Variants in KIAA1614 observed in about 807,000 individuals in gnomAD.
KIAA1614 encodes uncharacterized protein KIAA1614.
A neutral mutation model predicts 88.7 loss-of-function variants in KIAA1614; 76 were observed. That is an observed-to-expected ratio of 0.86 (90% CI 0.71 to 1.04). KIAA1614 has a LOEUF of 1.04. Among genes scored for constraint, KIAA1614 ranks in the 50% least tolerant of loss-of-function variants. The pLI, the probability that KIAA1614 is intolerant of heterozygous loss-of-function variation, is 0.00. For missense variants in KIAA1614, 1,553 were observed against 1,582.5 expected (o/e 0.98, Z 0.32); for synonymous variants, 714 against 675.5 (o/e 1.06, Z -0.88).
intron 1 of KIAA1614, among the ~76,000 whole-genome samples, chr1:180,914,958 C>T (rs927262207): frequency 2.6e-5 from 4 of 152,020 alleles, no homozygotes; most frequent in Non-Finnish European, 4.4e-5. Flanking sequence ...TGAGCCACCG[C>T]GCCTAGCCAA....
chr1:180,914,466 C>T (rs948537598), intron 1 of KIAA1614, among the ~76,000 whole-genome samples: 4 of 152,242 alleles, frequency 2.6e-5, no homozygotes, highest in Non-Finnish European at 5.9e-5. Flanking sequence ...CCAAACTGGG[C>T]CTCCTCTTAG....
In KIAA1614 at chr1:180,935,963, T is replaced by C. The variant is rs1165831389; in HGVS notation, c.2054T>C (p.Val685Ala). ...CTGCCTAGGGCTGATGATGTGGAGGTGGAAAATGAGGTGAAAGAGGGCAGA... is the reference window on the plus strand; with the variant it reads ...CTGCCTAGGGCTGATGATGTGGAGGCGGAAAATGAGGTGAAAGAGGGCAGA... ...QHLPRADDVE[V>A]ENEVKEGRGH... The change falls in exon 5 of 9, where the codon GTG (valine) becomes GCG (alanine). Residue 685 changes from valine (V) to alanine (A), a missense_variant. By Grantham distance (64) the Val-to-Ala change is moderately conservative. Transcript: ENST00000367588. The surrounding 1 kb of genome is among the most constrained non-coding windows in gnomAD (Gnocchi z 6.1). 6.2e-7 allele frequency: 1 copy of C among 1,613,444 alleles called. No homozygotes were observed. Among genetic ancestry groups the C allele is most frequent in the African/African-American group, 1.3e-5 (1 of 74,740 alleles).
chr1:180,945,596 AG>A lies in KIAA1614; in HGVS notation c.*9del, dbSNP rs750751825. 4 of 1,590,826 alleles carry A rather than the reference AG, an allele frequency of 2.5e-6. No individual in the cohort carries two copies. The highest frequency in any genetic ancestry group is 3.4e-6 in the Non-Finnish European group (4 of 1,173,998). On this transcript the variant is annotated 3_prime_UTR_variant, in exon 9 of 9. Transcript: ENST00000367588. ...TTTCTGGTCTTTGGCTGAGCCGTGCAGCTCTGGGAATTCAGAAAGCCTCTGA... is the reference window on the plus strand; with the variant it reads ...TTTCTGGTCTTTGGCTGAGCCGTGCACTCTGGGAATTCAGAAAGCCTCTGA...
rs1236495882 is a variant in KIAA1614, at chr1:180,946,601, G to C, written c.*1013G>C. 1.3e-5 allele frequency: 2 copies of C among 152,552 alleles called. No individual in the cohort carries two copies. The highest frequency in any genetic ancestry group is 4.8e-5 in the African/African-American group (2 of 41,460). 9.4% of individuals were successfully genotyped at this position (152,552 alleles called of 1,614,324 possible). A position where few individuals can be genotyped will look rare whatever the true frequency, so the allele number is the denominator to read the frequency against. The stretch of plus-strand genomic sequence containing the variant: ...ATGTGAGGGTGGGGAAGGAGGGGAG[G>C]GGAAGGAAGGAGAGAGAAAGGGAGA... On this transcript the variant is annotated 3_prime_UTR_variant, in exon 9 of 9. Transcript: ENST00000367588.
intron 3 of KIAA1614, among the ~76,000 whole-genome samples, chr1:180,923,726 G>A (rs538442383): frequency 1.3e-5 from 2 of 152,228 alleles, no homozygotes; most frequent in South Asian, 4.1e-4. Context: ...TAAGGGCTCA[G>A]CAAGGAGGCA....
chr1:180,935,839 A>G lies in KIAA1614; in HGVS notation c.1930A>G (p.Ser644Gly). The G allele has an allele frequency of 1.2e-6, 2 of 1,613,574 alleles. No homozygotes were observed. The highest frequency in any genetic ancestry group is 8.5e-7 in the Non-Finnish European group (1 of 1,179,882). ...GWACGRTQGS[S>G]PRLRLRGSRP... The stretch of plus-strand genomic sequence containing the variant: ...GGCGTGTGGGCGGACCCAAGGCAGC[A>G]GCCCGCGACTGCGACTGCGGGGCTC... The change falls in exon 5 of 9, where the codon AGC (serine) becomes GGC (glycine). Residue 644 changes from serine (S) to glycine (G), a missense_variant. Transcript: ENST00000367588. This position sits in a 1 kb window ranked among gnomAD's most constrained non-coding sequence, Gnocchi z 6.1.
At chr1:180,930,640 C>G (rs1209780723) in intron 4 of KIAA1614, among the ~76,000 whole-genome samples, 1 of 152,228 alleles carries the variant, frequency 6.6e-6, no homozygotes, top group Non-Finnish European at 1.5e-5. Flanking sequence ...TCATGTCACT[C>G]TAGCAGCTCA....
At chr1:180,930,191 G>A (rs754317412) in intron 4 of KIAA1614, among the ~76,000 whole-genome samples, 5 of 152,220 alleles carry the variant, frequency 3.3e-5, no homozygotes, top group Admixed American at 2.6e-4. Flanking sequence ...AGGCTGAGGC[G>A]GGCGGATAAT....
Position 180,950,581 on chromosome 1 carries a change from G to T in KIAA1614, c.*4993G>T, listed in dbSNP as rs1036971379. 2.9e-6 allele frequency: 3 copies of T among 1,032,466 alleles called. No individual in the cohort carries two copies. The highest frequency in any genetic ancestry group is 1.7e-5 in the African/African-American group (1 of 57,430). The allele number at this position is 1,032,466 out of a possible 1,614,324, so 64.0% of individuals were successfully genotyped here. Reference sequence around the variant, plus strand: ...CTGTCACGGCCTCGGAAGCCCTGAAGCACTCAGGGTGGTTGGCAGGAACGT... The same window carrying T: ...CTGTCACGGCCTCGGAAGCCCTGAATCACTCAGGGTGGTTGGCAGGAACGT... On this transcript the variant is annotated 3_prime_UTR_variant, in exon 9 of 9. Coordinates refer to ENST00000367588, the MANE Select transcript of KIAA1614 (RefSeq NM_020950.2).
chr1:180,938,301 A>C (rs1654376496), intron 5 of KIAA1614, among the ~76,000 whole-genome samples: 1 of 152,212 alleles, frequency 6.6e-6, no homozygotes, highest in Non-Finnish European at 1.5e-5. Flanking sequence ...AGGTTACAGC[A>C]GTCAACAAGA....
chr1:180,930,398 G>C (rs575084774), intron 4 of KIAA1614, among the ~76,000 whole-genome samples: 5 of 151,930 alleles, frequency 3.3e-5, no homozygotes, highest in Non-Finnish European at 1.5e-5. Context: ...CAGCCTGGGC[G>C]ACAGAGCAAA....
chr1:180,922,429 C>G (rs115964736), intron 3 of KIAA1614, among the ~76,000 whole-genome samples: 1 of 152,010 alleles, frequency 6.6e-6, no homozygotes, highest in Non-Finnish European at 1.5e-5. Flanking sequence ...TTCACACAGG[C>G]GAGGGGAAGG....
Position 180,936,550 on chromosome 1 carries a change from T to C in KIAA1614, c.2641T>C (p.Cys881Arg), listed in dbSNP as rs774287944. The part of the protein sequence containing the change: ...HPLLALSTNN[C>R]NNSAPRGLQE... ...ACTGCTGGCCCTGTCCACCAACAAC[T>C]GCAACAACAGCGCACCTCGGGGGCT... The change falls in exon 5 of 9, where the codon TGC (cysteine) becomes CGC (arginine). Residue 881 changes from cysteine to arginine, a missense_variant. Transcript: ENST00000367588. 1.2e-6 allele frequency: 2 copies of C among 1,613,810 alleles called. No individual in the cohort carries two copies. The highest frequency in any genetic ancestry group is 1.3e-5 in the African/African-American group (1 of 74,960).
intron 3 of KIAA1614, among the ~76,000 whole-genome samples, chr1:180,927,430 G>A (rs756612569): frequency 5.9e-5 from 9 of 152,244 alleles, no homozygotes; most frequent in Non-Finnish European, 1.0e-4. Context: ...GCTGGCTGTC[G>A]TGTGCTCTGC....
intron 3 of KIAA1614, among the ~76,000 whole-genome samples, chr1:180,918,721 C>T (rs1324100888): frequency 2.0e-5 from 3 of 152,196 alleles, no homozygotes; most frequent in Admixed American, 6.5e-5. Flanking sequence ...GAGGTCGACA[C>T]GGTTGCTGCT....
rs201707736 is a variant in KIAA1614 at position 180,916,773 on chromosome 1, C to G, written c.670C>G (p.Pro224Ala). 25 of 1,614,214 alleles carry G rather than the reference C, an allele frequency of 1.5e-5. 1 individual carries two copies. The South Asian group carries it at 2.4e-4, about 16-fold the overall frequency. ...AGTTACTCCCGGACGGCCTGGGGGT[C>G]CTGGTCATTGTAACAAAATCATCCA... is the stretch of plus-strand genomic sequence containing the variant. ...HGVTPGRPGG[P>A]GHCNKIIHIP... The change falls in exon 2 of 9, where the codon CCT becomes GCT. Residue 224 changes from proline (P) to alanine (A), a missense_variant. Transcript: ENST00000367588.
chr1:180,943,568 A>ATTTTTTTTTT (rs1654519833), intron 7 of KIAA1614, among the ~76,000 whole-genome samples: 4 of 2,640 alleles, frequency 1.5e-3, no homozygotes, highest in African/African-American at 7.0e-3. Flanking sequence ...TTTTTTTTTG[A>ATTTTTTTTTT]GACAGGGTCT....
At position 180,945,830 on chromosome 1, in the gene KIAA1614, C is replaced by G; in HGVS notation, c.*242C>G. 1 of 1,287,766 alleles carries G rather than the reference C, an allele frequency of 7.8e-7. No homozygotes were observed. The highest frequency in any genetic ancestry group is 2.9e-4 in the Middle Eastern group (1 of 3,422). 79.8% of individuals were successfully genotyped at this position (1,287,766 alleles called of 1,614,324 possible). A position where few individuals can be genotyped will look rare whatever the true frequency, so the allele number is the denominator to read the frequency against. ...CTTGAAATTAGAAGCTTAGGCCGGG[C>G]GCAGTGGCTCATGCCTGTAATCCCA... is the stretch of plus-strand genomic sequence containing the variant. On this transcript the variant is annotated 3_prime_UTR_variant, in exon 9 of 9. Coordinates refer to ENST00000367588, the MANE Select transcript of KIAA1614 (RefSeq NM_020950.2).
intron 3 of KIAA1614, among the ~76,000 whole-genome samples, chr1:180,927,625 C>T (rs377250160): frequency 5.9e-4 from 90 of 152,238 alleles, no homozygotes; most frequent in African/African-American, 2.0e-3. Context: ...TGTAACCCAG[C>T]GCGGGCTGTA....
Sources: allele counts gnomAD v4.1 joint callset (sites outside exome capture counted in the v4.1 genomes callset), GRCh38; gene constraint gnomAD v4.1.1; non-coding constraint Gnocchi (gnomAD v3.1); transcripts MANE v1.5; gene names NCBI Gene and HGNC (gene_info 2026-07-23, HGNC 2026-07-21).